Variants in MALRD1 observed in about 807,000 individuals in gnomAD.
The protein encoded by MALRD1 is MAM and LDL receptor class A domain containing 1.
A neutral mutation model predicts 242.1 loss-of-function variants in MALRD1; 247 were observed. The ratio of observed to expected loss-of-function variants is 1.02; its 90% confidence interval spans 0.92 to 1.13. The LOEUF is 1.13. Among genes scored for constraint, MALRD1 ranks in the 50% most tolerant of loss-of-function variants. The pLI is 0.00. For missense variants in MALRD1, 2,989 were observed against 2,533.1 expected (o/e 1.18, Z -3.86); for synonymous variants, 995 against 866.6 (o/e 1.15, Z -2.60).
intron 29 of MALRD1, among the ~76,000 whole-genome samples, chr10:19,459,799 C>T (rs1835842374): frequency 6.6e-6 from 1 of 150,618 alleles, no homozygotes; most frequent in Non-Finnish European, 1.5e-5. Flanking sequence ...ATAAATATTA[C>T]TATTAATATA....
chr10:19,668,106 A>G (rs190367979), intron 36 of MALRD1, among the ~76,000 whole-genome samples: 4 of 152,290 alleles, frequency 2.6e-5, no homozygotes, highest in East Asian at 1.9e-4. Flanking sequence ...ATATCATCCA[A>G]TTGGTAATTA....
At chr10:19,333,872 T>C (rs141107382) in intron 24 of MALRD1, among the ~76,000 whole-genome samples, 100 of 152,302 alleles carry the variant, frequency 6.6e-4, no homozygotes, top group African/African-American at 2.1e-3. Context: ...CACTGTGGTT[T>C]TGATTTGCAT....
intron 7 of MALRD1, among the ~76,000 whole-genome samples, chr10:19,125,349 CTTT>C (rs1837240646): frequency 2.0e-5 from 2 of 101,690 alleles, no homozygotes; most frequent in African/African-American, 8.1e-5. Context: ...TTCTTTCTTT[CTTT>C]CTTTCTTTCT....
chr10:19,126,907 C>T lies in MALRD1; in HGVS notation c.944-1314C>T, dbSNP rs1479575068. Among the ~76,000 whole-genome samples the T allele has an allele frequency of 4.6e-5, 7 of 152,150 alleles. No homozygotes were observed. The East Asian group carries it at 1.4e-3, about 29-fold the overall frequency. ...ATTAGCTATTTATCCCAATGATCTCCCTCCCCTCACCCCTCAACAGTCCCC... is the reference window on the plus strand; with the variant it reads ...ATTAGCTATTTATCCCAATGATCTCTCTCCCCTCACCCCTCAACAGTCCCC... On this transcript the variant is annotated intron_variant, in intron 7 of 39. Transcript: ENST00000454679.
intron 36 of MALRD1, among the ~76,000 whole-genome samples, chr10:19,683,538 G>A (rs1842459478): frequency 6.6e-6 from 1 of 152,198 alleles, no homozygotes; most frequent in Admixed American, 6.5e-5. Flanking sequence ...GCAGAGTCTA[G>A]CTTGAACTCC....
At chr10:19,284,275 A>C (rs1209562058) in intron 21 of MALRD1, among the ~76,000 whole-genome samples, 1 of 150,200 alleles carries the variant, frequency 6.7e-6, no homozygotes, top group South Asian at 2.1e-4. Context: ...TTATACTTTA[A>C]GTTTTAGGGT....
chr10:19,192,035 T>TA (rs976418338), intron 14 of MALRD1, among the ~76,000 whole-genome samples: 40 of 143,956 alleles, frequency 2.8e-4, no homozygotes, highest in East Asian at 8.1e-4. Flanking sequence ...ATAAATAAAA[T>TA]AAAAAAAAAA....
intron 36 of MALRD1, among the ~76,000 whole-genome samples, chr10:19,677,459 ATCT>A (rs1176891437): frequency 2.0e-5 from 3 of 152,074 alleles, no homozygotes; most frequent in South Asian, 4.1e-4. Context: ...CTGCATAAGT[ATCT>A]TCTTTCGAGA....
chr10:19,364,496 G>A (rs1199102179), intron 26 of MALRD1, among the ~76,000 whole-genome samples: 1 of 152,028 alleles, frequency 6.6e-6, no homozygotes, highest in Non-Finnish European at 1.5e-5. Flanking sequence ...AATCTTTACT[G>A]AAATATAAGG....
At chr10:19,123,456 T>A in intron 5 of MALRD1, 36 bp from the exon 6 acceptor site, 1 of 1,159,204 alleles carries the variant, frequency 8.6e-7, no homozygotes. Flanking sequence ...CAGTTGCACC[T>A]GCATTTCACT....
At chr10:19,392,312 A>G (rs1846372219) in intron 28 of MALRD1, among the ~76,000 whole-genome samples, 1 of 152,162 alleles carries the variant, frequency 6.6e-6, no homozygotes, top group Non-Finnish European at 1.5e-5. Context: ...CCTGAATCCA[A>G]GTATGTCTGG....
rs535139705 is a variant in MALRD1, at chr10:19,433,391, G to A, written c.4846-16916G>A. On this transcript the variant is annotated intron_variant, in intron 28 of 39. Coordinates refer to ENST00000454679, the MANE Select transcript of MALRD1 (RefSeq NM_001142308.3). ...TGGGTAATTGGAAGACTCTTTGAAA[G>A]GGAATGTGTGACTGGAGCAGGAGTG... 2.0e-5 allele frequency among the ~76,000 whole-genome samples: 3 copies of A among 152,256 alleles called. No individual in the cohort carries two copies. In the East Asian group the frequency reaches 5.8e-4, roughly 29 times the overall value.
At chr10:19,333,589 A>C (rs1225577912) in intron 24 of MALRD1, among the ~76,000 whole-genome samples, 2 of 152,112 alleles carry the variant, frequency 1.3e-5, no homozygotes, top group African/African-American at 4.8e-5. Flanking sequence ...GCTATTGTGA[A>C]TCGTGCTCCG....
chr10:19,200,287 A>G (rs1588688216), intron 14 of MALRD1, among the ~76,000 whole-genome samples: 1 of 152,172 alleles, frequency 6.6e-6, no homozygotes, highest in Non-Finnish European at 1.5e-5. Flanking sequence ...TCTAGGTTTT[A>G]ACTTTTTAAA....
Position 19,257,671 on chromosome 10 carries a change from T to G in MALRD1, c.2992-13T>G. ...CACATTTCTTATTTTTATTTTTTAT[T>G]TTATTTTTTTAGATATTGGTGGAGG... On this transcript the variant is annotated splice_polypyrimidine_tract_variant and intron_variant, in intron 18 of 39. Transcript: ENST00000454679. The G allele has an allele frequency of 6.6e-7, 1 of 1,504,200 alleles. No homozygotes were observed. The highest frequency in any genetic ancestry group is 9.0e-7 in the Non-Finnish European group (1 of 1,113,998). 93.2% of individuals were successfully genotyped at this position (1,504,200 alleles called of 1,614,324 possible). A position where few individuals can be genotyped will look rare whatever the true frequency, so the allele number is the denominator to read the frequency against.
intron 14 of MALRD1, among the ~76,000 whole-genome samples, chr10:19,185,352 G>A (rs575022385): frequency 6.6e-6 from 1 of 152,028 alleles, no homozygotes; most frequent in African/African-American, 2.4e-5. Flanking sequence ...AGTCCAAAGT[G>A]CATGTACTAA....
upstream of MALRD1, among the ~76,000 whole-genome samples, chr10:19,048,283 C>T (rs1834389210): frequency 6.6e-6 from 1 of 152,108 alleles, no homozygotes; most frequent in African/African-American, 2.4e-5. Flanking sequence ...ATAATAACAT[C>T]CAATGTCCCC....
chr10:19,194,957 A>G (rs1836169337), intron 14 of MALRD1, among the ~76,000 whole-genome samples: 1 of 152,150 alleles, frequency 6.6e-6, no homozygotes, highest in Admixed American at 6.6e-5. Flanking sequence ...TAAAATGGAA[A>G]ATTCCAGAAA....
At chr10:19,108,859 C>A (rs951125526) in intron 5 of MALRD1, among the ~76,000 whole-genome samples, 1 of 151,996 alleles carries the variant, frequency 6.6e-6, no homozygotes, top group Admixed American at 6.6e-5. Context: ...TATTGTGTTT[C>A]TTTGGTCGTA....
Sources: allele counts gnomAD v4.1 joint callset (sites outside exome capture counted in the v4.1 genomes callset), GRCh38; gene constraint gnomAD v4.1.1; transcripts MANE v1.5; gene names NCBI Gene and HGNC (gene_info 2026-07-23, HGNC 2026-07-21).